The following CCDC141 variants were observed in gnomAD, a reference collection of about 807,000 sequenced individuals.
CCDC141 encodes coiled-coil domain-containing protein 141.
Under a neutral mutation model 181.0 loss-of-function variants are expected in CCDC141, and 168 were observed. That is an observed-to-expected ratio of 0.93 (90% CI 0.82 to 1.05). The LOEUF (loss-of-function observed/expected upper bound fraction) is 1.05, where lower values mean the gene tolerates loss of function less well. Ranked by LOEUF, CCDC141 falls within the 50% of genes least tolerant of loss-of-function variation. CCDC141 has a pLI of 0.00. For synonymous variants in CCDC141, 666 were observed against 642.3 expected (o/e 1.04, Z -0.56); for missense variants, 1,902 against 1,788.5 (o/e 1.06, Z -1.14).
At position 178,834,036 on chromosome 2, in the gene CCDC141, G is replaced by A. The variant is rs555161376; in HGVS notation, c.*137C>T. The A allele has an allele frequency of 1.2e-4, 101 of 834,084 alleles. No homozygotes were observed. In the African/African-American group the frequency reaches 1.6e-3, roughly 13 times the overall value. 51.7% of individuals were successfully genotyped at this position (834,084 alleles called of 1,614,324 possible). On this transcript the variant is annotated 3_prime_UTR_variant, in exon 24 of 24. Transcript: ENST00000443758. ...AATTTGATTATTTCACCTAGCAGTG[G>A]TATTAGCCAAACAAGTATGGTGATC... is the stretch of plus-strand genomic sequence containing the variant.
the CCDC141 span, among the ~76,000 whole-genome samples, chr2:178,820,298 G>C: frequency 2.0e-5 from 3 of 152,174 alleles, no homozygotes; most frequent in Admixed American, 2.0e-4. Context: ...CACCGGTGGA[G>C]AGTGGGGCTG....
chr2:178,939,706 G>C (rs1380438873), intron 6 of CCDC141, among the ~76,000 whole-genome samples: 1 of 152,044 alleles, frequency 6.6e-6, no homozygotes, highest in African/African-American at 2.4e-5. Context: ...GTAAGGTCCA[G>C]AATCTAATCA....
At position 178,863,144 on chromosome 2, in the gene CCDC141, G is replaced by A. The variant is rs573890614; in HGVS notation, c.2724+2623C>T. On this transcript the variant is annotated intron_variant, in intron 17 of 23. Coordinates refer to ENST00000443758, the MANE Select transcript of CCDC141 (RefSeq NM_173648.4). ...TTGGTGCCCAACAAATGAGTCTGTG[G>A]CCTGAAGTTGATCCCCTGGAACACC... Among the ~76,000 whole-genome samples the A allele has an allele frequency of 2.6e-5, 4 of 152,248 alleles. No homozygotes were observed. The East Asian group carries it at 7.7e-4, about 29-fold the overall frequency.
At chr2:179,005,858 C>T (rs150727702) in intron 2 of CCDC141, among the ~76,000 whole-genome samples, 5 of 152,314 alleles carry the variant, frequency 3.3e-5, no homozygotes, top group African/African-American at 1.2e-4. Flanking sequence ...GATCCACCCA[C>T]CTTGGCCTCC....
chr2:178,845,786 G>T (rs1396817574), intron 21 of CCDC141, 44 bp from the exon 22 acceptor site: 2 of 1,134,478 alleles, frequency 1.8e-6, no homozygotes, highest in Non-Finnish European at 2.7e-6. Context: ...CAGGAAAGTT[G>T]GAGAACAGTG....
the CCDC141 span, among the ~76,000 whole-genome samples, chr2:178,821,453 G>A: frequency 6.6e-6 from 1 of 152,088 alleles, no homozygotes; most frequent in Non-Finnish European, 1.5e-5. Flanking sequence ...TCACCTGCCT[G>A]TTCCAATGAG....
chr2:179,047,301 G>T lies in CCDC141; in HGVS notation c.208C>A (p.Leu70Ile), dbSNP rs1436512242. The change falls in exon 2 of 24, where the codon CTT becomes ATT. Residue 70 changes from leucine (L) to isoleucine (I), a missense_variant. Transcript: ENST00000443758. ...TATCTTACCTTGAGCTTGGCCAAAA[G>T]AAGTTCATGATCATGAAGAAGTTTT... ...TKKLLHDHEL[L>I]LAKLKALEDR... 1 of 1,534,842 alleles carries T rather than the reference G, an allele frequency of 6.5e-7. No individual in the cohort carries two copies. The highest frequency in any genetic ancestry group is 8.7e-7 in the Non-Finnish European group (1 of 1,143,070).
At chr2:179,009,992 G>A (rs1366186046) in intron 2 of CCDC141, among the ~76,000 whole-genome samples, 1 of 152,122 alleles carries the variant, frequency 6.6e-6, no homozygotes, top group African/African-American at 2.4e-5. Flanking sequence ...CACACTTTTA[G>A]AAATGTGAAA....
chr2:178,823,575 C>A, the CCDC141 span, among the ~76,000 whole-genome samples: 1 of 152,040 alleles, frequency 6.6e-6, no homozygotes, highest in Non-Finnish European at 1.5e-5. Flanking sequence ...AATACCATAA[C>A]TAATGGATTG....
At chr2:178,855,683 G>A (rs1236913540) in intron 18 of CCDC141, 142 bp from the exon 19 acceptor site, 2 of 535,754 alleles carry the variant, frequency 3.7e-6, no homozygotes, top group East Asian at 3.3e-5. Context: ...AATATATTAT[G>A]GTAAGAATGG....
chr2:178,905,205 A>T, intron 8 of CCDC141, 124 bp downstream of exon 8: 1 of 858,486 alleles, frequency 1.2e-6, no homozygotes, highest in Non-Finnish European at 1.8e-6. Context: ...AGATCCTTTT[A>T]AGCCATATCA....
intron 2 of CCDC141, among the ~76,000 whole-genome samples, chr2:179,025,990 T>G (rs989029484): frequency 6.6e-6 from 1 of 152,206 alleles, no homozygotes; most frequent in Non-Finnish European, 1.5e-5. Context: ...CAACAAAGCA[T>G]TCAAGAGATG....
chr2:179,043,253 C>T (rs2154389523), intron 2 of CCDC141, among the ~76,000 whole-genome samples: 1 of 152,174 alleles, frequency 6.6e-6, no homozygotes, highest in South Asian at 2.1e-4. Flanking sequence ...CAAAAAAAGC[C>T]CAGGACCAGG....
At chr2:178,859,808 C>G (rs2154367972) in intron 17 of CCDC141, among the ~76,000 whole-genome samples, 1 of 152,236 alleles carries the variant, frequency 6.6e-6, no homozygotes, top group South Asian at 2.1e-4. Context: ...TAAGCCCCTT[C>G]TCAGGGTTAG....
At position 179,049,922 on chromosome 2, in the gene CCDC141, G is replaced by A. The variant is rs115554157; in HGVS notation, c.20C>T (p.Pro7Leu). MSSQGS[P>L]SVALSTTTVS... ...TGTCGTCGTAGAAAGCGCAACACTA[G>A]GACTTCCTTGGCTGGACATGGTACT... Residue 7 changes from proline to leucine, a missense_variant, in exon 1 of 24, where the codon CCT becomes CTT. Coordinates refer to ENST00000443758, the MANE Select transcript of CCDC141 (RefSeq NM_173648.4). 0.016 allele frequency: 25,229 copies of A among 1,550,550 alleles called. 281 individuals are homozygous for A. The highest frequency in any genetic ancestry group is 0.019 in the Non-Finnish European group (22,228 of 1,146,918).
chr2:179,022,564 C>T (rs1162735744), intron 2 of CCDC141, among the ~76,000 whole-genome samples: 2 of 152,140 alleles, frequency 1.3e-5, no homozygotes, highest in Non-Finnish European at 2.9e-5. Context: ...CCCATGAAAC[C>T]ACTCCAGCTA....
At chr2:178,844,282 C>A (rs990450978) in intron 22 of CCDC141, among the ~76,000 whole-genome samples, 1 of 152,046 alleles carries the variant, frequency 6.6e-6, no homozygotes, top group Admixed American at 6.6e-5. Flanking sequence ...TAAGGCTATT[C>A]TTTATTGTGT....
chr2:178,871,566 T>C lies in CCDC141; in HGVS notation c.2080-14A>G, dbSNP rs769655106. The C allele has an allele frequency of 3.7e-6, 6 of 1,612,718 alleles. No individual in the cohort carries two copies. The South Asian group carries it at 5.5e-5, about 15-fold the overall frequency. ...GTTGTGAGAAGTCTGAAATAAATAT[T>C]GGACAGTTACACATGCATTTTCTTT... On this transcript the variant is annotated splice_polypyrimidine_tract_variant and intron_variant, in intron 13 of 23. Transcript: ENST00000443758.
At chr2:178,883,843 G>T (rs1454728533) in intron 11 of CCDC141, among the ~76,000 whole-genome samples, 1 of 152,052 alleles carries the variant, frequency 6.6e-6, no homozygotes, top group African/African-American at 2.4e-5. Flanking sequence ...GGAATCCAGT[G>T]TACTAGAGGG....
Sources: allele counts gnomAD v4.1 joint callset (sites outside exome capture counted in the v4.1 genomes callset), GRCh38; gene constraint gnomAD v4.1.1; transcripts MANE v1.5; gene names NCBI Gene and HGNC (gene_info 2026-07-23, HGNC 2026-07-21).